MYO5B: variants seen among roughly 807,000 people sequenced by gnomAD.
MYO5B encodes the protein unconventional myosin-Vb.
Under a neutral mutation model 229.3 loss-of-function variants are expected in MYO5B, and 143 were observed. The observed-to-expected ratio is 0.62, with a 90% CI of 0.54 to 0.72. The LOEUF is 0.72. Ranked by LOEUF, MYO5B falls within the 30% of genes least tolerant of loss-of-function variation. The pLI is 0.00. For synonymous variants in MYO5B, 918 were observed against 885.2 expected (o/e 1.04, Z -0.66); for missense variants, 2,321 against 2,331.0 (o/e 1.00, Z 0.09).
intron 10 of MYO5B, among the ~76,000 whole-genome samples, chr18:49,973,294 AGAGATGTAATCAG>A (rs2025710663): frequency 6.6e-6 from 1 of 152,192 alleles, no homozygotes; most frequent in Non-Finnish European, 1.5e-5. Flanking sequence ...CAACAGCATC[AGAGATGTAATCAG>A]GAGAGCCTGT....
intron 4 of MYO5B, among the ~76,000 whole-genome samples, chr18:50,019,807 C>T (rs2026255218): frequency 6.6e-6 from 1 of 152,198 alleles, no homozygotes; most frequent in South Asian, 2.1e-4. Flanking sequence ...ATTTCGTCTG[C>T]TTTAAAATAA....
intron 22 of MYO5B, among the ~76,000 whole-genome samples, chr18:49,881,069 T>C (rs1217636): frequency 0.6 from 91,484 of 152,078 alleles, 27,559 homozygotes; most frequent in Middle Eastern, 0.67. Flanking sequence ...TCAGGGCCCT[T>C]GTTTACTGGA....
At chr18:49,861,368 G>A (rs994955470) in intron 29 of MYO5B, among the ~76,000 whole-genome samples, 4 of 152,164 alleles carry the variant, frequency 2.6e-5, no homozygotes, top group South Asian at 2.1e-4. Flanking sequence ...CAATGGTGAC[G>A]GCTCTGAAGA....
intron 1 of MYO5B, among the ~76,000 whole-genome samples, chr18:50,086,310 G>A (rs77446050): frequency 0.11 from 16,109 of 152,080 alleles, 1,660 homozygotes; most frequent in African/African-American, 0.27. Context: ...TCATATCTAT[G>A]TCTGTGTACC....
At chr18:49,895,241 G>C (rs1412024914) in intron 21 of MYO5B, 67 bp from the exon 22 acceptor site, 1 of 1,380,528 alleles carries the variant, frequency 7.2e-7, no homozygotes, top group Non-Finnish European at 1.0e-6. Flanking sequence ...TATTTTACCA[G>C]GGAAAAAGCA....
intron 1 of MYO5B, among the ~76,000 whole-genome samples, chr18:50,099,617 C>T (rs550006538): frequency 1.3e-5 from 2 of 152,316 alleles, no homozygotes; most frequent in South Asian, 4.1e-4. Context: ...CTAAGTGAGA[C>T]ATTCTCAATT....
chr18:50,092,831 A>C (rs1328797908), intron 1 of MYO5B, among the ~76,000 whole-genome samples: 1 of 152,252 alleles, frequency 6.6e-6, no homozygotes, highest in Non-Finnish European at 1.5e-5. Flanking sequence ...AATAAATGTC[A>C]AGAGTGTTAG....
At chr18:49,876,931 C>G (rs566901939) in intron 25 of MYO5B, among the ~76,000 whole-genome samples, 2 of 152,200 alleles carry the variant, frequency 1.3e-5, no homozygotes, top group Non-Finnish European at 2.9e-5. Context: ...GCAATCATAT[C>G]ACATGTTTCT....
At chr18:50,040,950 T>A (rs1460486936) in intron 2 of MYO5B, among the ~76,000 whole-genome samples, 1 of 152,334 alleles carries the variant, frequency 6.6e-6, no homozygotes, top group East Asian at 1.9e-4. Flanking sequence ...TTGGACAACA[T>A]TAAGCACCCA....
intron 12 of MYO5B, among the ~76,000 whole-genome samples, chr18:49,955,881 C>T (rs922649950): frequency 1.3e-5 from 2 of 152,120 alleles, no homozygotes; most frequent in Admixed American, 6.5e-5. Flanking sequence ...GGACAGAGGA[C>T]GAACACAAGA....
At chr18:50,082,288 C>A (rs2031237331) in intron 1 of MYO5B, among the ~76,000 whole-genome samples, 1 of 152,200 alleles carries the variant, frequency 6.6e-6, no homozygotes, top group East Asian at 1.9e-4. Context: ...GGATCCAGGC[C>A]TCAGCCTTAT....
chr18:50,122,339 T>A (rs964638232), intron 1 of MYO5B, among the ~76,000 whole-genome samples: 2 of 148,210 alleles, frequency 1.3e-5, no homozygotes, highest in Non-Finnish European at 3.0e-5. Flanking sequence ...TGGTGGCTCA[T>A]GCCTGTAATC....
At chr18:49,827,663 G>C (rs1417225397) in intron 39 of MYO5B, among the ~76,000 whole-genome samples, 1 of 151,858 alleles carries the variant, frequency 6.6e-6, no homozygotes, top group East Asian at 1.9e-4. Context: ...AAAATGAACA[G>C]AGCCTAACAG....
intron 1 of MYO5B, among the ~76,000 whole-genome samples, chr18:50,167,982 A>G (rs2032877015): frequency 6.6e-6 from 1 of 152,202 alleles, no homozygotes; most frequent in South Asian, 2.1e-4. Flanking sequence ...AAATAAAATC[A>G]ACCATTAGAC....
chr18:50,055,485 C>G (rs956146604), intron 1 of MYO5B, 107 bp from the exon 2 acceptor site: 2 of 806,452 alleles, frequency 2.5e-6, no homozygotes, highest in Non-Finnish European at 4.2e-6. Flanking sequence ...CTAAAGCTAT[C>G]TGCACACATC....
intron 3 of MYO5B, among the ~76,000 whole-genome samples, chr18:50,037,215 A>AC (rs2026458817): frequency 1.3e-5 from 2 of 149,526 alleles, no homozygotes; most frequent in South Asian, 2.1e-4. Context: ...ACACACACAC[A>AC]AACACACACA....
rs59585590 is a variant in MYO5B at position 50,015,673 on chromosome 18, A to T, written c.456-14262T>A. Reference sequence around the variant, plus strand: ...TAGTTGACAATTATCTTCTTTGGGGACACATGAAGTCACGCCACATTATCT... The same window carrying T: ...TAGTTGACAATTATCTTCTTTGGGGTCACATGAAGTCACGCCACATTATCT... On this transcript the variant is annotated intron_variant, in intron 4 of 39. Transcript: ENST00000285039. Among the ~76,000 whole-genome samples the T allele has an allele frequency of 9.2e-3, 1,396 of 152,254 alleles. 19 individuals carry two copies. Among genetic ancestry groups the T allele is most frequent in the African/African-American group, 0.032 (1,330 of 41,544 alleles).
At chr18:50,135,106 T>C (rs1195546014) in intron 1 of MYO5B, among the ~76,000 whole-genome samples, 1 of 152,232 alleles carries the variant, frequency 6.6e-6, no homozygotes, top group Non-Finnish European at 1.5e-5. Flanking sequence ...CAAGAGTCTA[T>C]TTCTCCTGAC....
intron 21 of MYO5B, among the ~76,000 whole-genome samples, chr18:49,896,264 T>G (rs571913160): frequency 2.2e-4 from 33 of 152,214 alleles, no homozygotes; most frequent in African/African-American, 6.3e-4. Flanking sequence ...CACAACAGAA[T>G]GAGACATGCT....
Sources: gnomAD v4.1 joint callset for allele counts (sites outside exome capture counted in the v4.1 genomes callset) on GRCh38, gnomAD v4.1.1 for gene constraint, MANE v1.5 for transcripts, NCBI Gene and HGNC (gene_info 2026-07-23, HGNC 2026-07-21) for gene names.